ZNF37A: variants seen among roughly 807,000 people sequenced by gnomAD.
ZNF37A encodes zinc finger protein 37A, also known as zinc finger protein 37a (KOX 21).
A neutral mutation model predicts 12.3 loss-of-function variants in ZNF37A; 10 were observed. That is an observed-to-expected ratio of 0.82 (90% CI 0.50 to 1.38). The LOEUF (loss-of-function observed/expected upper bound fraction) is 1.38, where lower values mean the gene tolerates loss of function less well. Ranked by LOEUF, ZNF37A falls within the 40% of genes most tolerant of loss-of-function variation. ZNF37A has a pLI of 0.00. For synonymous variants in ZNF37A, 207 were observed against 223.0 expected, an observed-to-expected ratio of 0.93 and a Z score of 0.64; for missense variants, 580 against 651.2, an observed-to-expected ratio of 0.89 and a Z score of 1.19.
At chr10:38,149,178 C>G (rs758937979) in exon 8 of ZNF37A, 1 of 152,128 alleles carries the variant, frequency 6.6e-6, no homozygotes, top group African/African-American at 2.4e-5. Context: ...ATAGCTTAAC[C>G]TATTATCCAA....
intron 5 of ZNF37A, among the ~76,000 whole-genome samples, chr10:38,097,950 G>T (rs1290400410): frequency 1.3e-5 from 2 of 152,164 alleles, no homozygotes; most frequent in East Asian, 3.8e-4. Context: ...AAGCAGTGTT[G>T]TAACTTAATA....
chr10:38,100,080 C>T (rs1300783308), intron 5 of ZNF37A, among the ~76,000 whole-genome samples: 3 of 152,132 alleles, frequency 2.0e-5, no homozygotes, highest in Admixed American at 6.6e-5. Context: ...CGGTAGGTTC[C>T]GTGATGCCCC....
intron 5 of ZNF37A, among the ~76,000 whole-genome samples, chr10:38,100,371 A>G (rs1238777699): frequency 2.6e-5 from 4 of 152,118 alleles, no homozygotes; most frequent in Non-Finnish European, 4.4e-5. Flanking sequence ...CCTCTTCCTA[A>G]TAAGCCTGGG....
At chr10:38,128,157 G>A (rs931028639), downstream of ZNF37A, among the ~76,000 whole-genome samples, 3 of 152,164 alleles carry the variant, frequency 2.0e-5, no homozygotes, top group East Asian at 1.9e-4. Context: ...AGTGTGGGAT[G>A]TAATTGTGTT....
intron 5 of ZNF37A, among the ~76,000 whole-genome samples, chr10:38,112,749 T>C (rs2135984158): frequency 4.3e-5 from 2 of 46,724 alleles, no homozygotes; most frequent in African/African-American, 1.7e-4. Flanking sequence ...TCTTTTCTTT[T>C]CTTTTCTTTT....
chr10:38,112,773 T>TCCTGG (rs1564932263), intron 5 of ZNF37A, among the ~76,000 whole-genome samples: 1 of 65,634 alleles, frequency 1.5e-5, no homozygotes, highest in Non-Finnish European at 3.3e-5. Context: ...TTCTTTTCTT[T>TCCTGG]TCTTTTCTTT....
intron 5 of ZNF37A, among the ~76,000 whole-genome samples, chr10:38,104,424 T>C (rs922803033): frequency 6.6e-6 from 1 of 151,976 alleles, no homozygotes; most frequent in African/African-American, 2.4e-5. Flanking sequence ...TTTAATTAGA[T>C]TGGAGAATTC....
rs1326713189 is a variant in ZNF37A at position 38,117,766 on chromosome 10, T to C, written c.615T>C (p.Cys205=). 6.2e-7 allele frequency: 1 copy of C among 1,614,036 alleles called. No homozygotes were observed. Among genetic ancestry groups the C allele is most frequent in the Admixed American group, 1.7e-5 (1 of 59,960 alleles). The change falls in exon 8 of 8, where the codon TGT becomes TGC. Residue 205 remains cysteine, a synonymous_variant. Transcript: ENST00000685332. The part of the protein sequence containing the change: ...HPRENHYGNE[C]GENIFEESIL... Reference sequence around the variant, plus strand: ...GAGAAAACCACTATGGTAATGAATGTGGAGAAAATATCTTTGAGGAATCCA... The same window carrying C: ...GAGAAAACCACTATGGTAATGAATGCGGAGAAAATATCTTTGAGGAATCCA...
chr10:38,098,976 T>C (rs1271186002), intron 5 of ZNF37A, among the ~76,000 whole-genome samples: 4 of 152,220 alleles, frequency 2.6e-5, no homozygotes, highest in African/African-American at 9.6e-5. Flanking sequence ...GATACTTCAG[T>C]ATTTTTTGCA....
chr10:38,105,341 C>T (rs2067974387), intron 5 of ZNF37A, among the ~76,000 whole-genome samples: 1 of 152,126 alleles, frequency 6.6e-6, no homozygotes, highest in African/African-American at 2.4e-5. Flanking sequence ...CTACCTGTCT[C>T]CTCAGCTCTG....
chr10:38,107,006 A>T (rs1365751394), intron 5 of ZNF37A, among the ~76,000 whole-genome samples: 4 of 152,138 alleles, frequency 2.6e-5, no homozygotes, highest in African/African-American at 7.2e-5. Flanking sequence ...TACAGATAAC[A>T]CCACAAAGAT....
chr10:38,125,092 G>C (rs1240090359), downstream of ZNF37A: 1 of 152,058 alleles, frequency 6.6e-6, no homozygotes, highest in Non-Finnish European at 1.5e-5. Context: ...AATTTTTGTA[G>C]GTTTGAGTTA....
In ZNF37A at chr10:38,118,400, G is replaced by C. The variant is rs375581619; in HGVS notation, c.1249G>C (p.Gly417Arg). 3.6e-5 allele frequency: 58 copies of C among 1,613,840 alleles called. No individual in the cohort carries two copies. The highest frequency in any genetic ancestry group is 5.0e-5 in the Admixed American group (3 of 59,920). Residue 417 changes from glycine to arginine, a missense_variant, in exon 8 of 8, where the codon GGG becomes CGG. Physicochemically the swap from Gly to Arg is moderately radical, Grantham distance 125. Transcript: ENST00000685332. ...GEKPYECNEC[G>R]KSFSEKSTLT... ...AAAACCTTATGAATGTAATGAATGT[G>C]GGAAGTCATTCTCTGAGAAGTCAAC...
At chr10:38,144,972 G>A (rs2070232766) in intron 7 of ZNF37A, among the ~76,000 whole-genome samples, 1 of 152,068 alleles carries the variant, frequency 6.6e-6, no homozygotes, top group African/African-American at 2.4e-5. Flanking sequence ...GTAAAATGAT[G>A]GATTTATATA....
chr10:38,118,146 G>A lies in ZNF37A; in HGVS notation c.995G>A (p.Cys332Tyr). 4 of 1,614,008 alleles carry A rather than the reference G, an allele frequency of 2.5e-6. No homozygotes were observed. The South Asian group carries it at 4.4e-5, about 18-fold the overall frequency. ...GAGAGACCTTATGGATGTCATGAATGTGGGAAATCCTTCAGTGAAAAGTCA... is the reference window on the plus strand; with the variant it reads ...GAGAGACCTTATGGATGTCATGAATATGGGAAATCCTTCAGTGAAAAGTCA... ...TGERPYGCHE[C>Y]GKSFSEKSTL... is the part of the protein sequence containing the mutation. The change falls in exon 8 of 8, where the codon TGT (cysteine) becomes TAT (tyrosine). Residue 332 changes from cysteine to tyrosine, a missense_variant. Cys to Tyr is a radical substitution (Grantham distance 194, BLOSUM62 -2). Coordinates refer to ENST00000685332, the MANE Select transcript of ZNF37A (RefSeq NM_001324250.3).
At chr10:38,129,319 A>AAAAAAAACAAC, downstream of ZNF37A, among the ~76,000 whole-genome samples, 1 of 116,228 alleles carries the variant, frequency 8.6e-6, no homozygotes, top group African/African-American at 3.6e-5. Flanking sequence ...AAAAAAAAAA[A>AAAAAAAACAAC]AAACTATTAT....
intron 5 of ZNF37A, among the ~76,000 whole-genome samples, chr10:38,101,179 T>G (rs2067537500): frequency 1.3e-5 from 2 of 152,316 alleles, no homozygotes; most frequent in Middle Eastern, 3.4e-3. Context: ...TTTTTAAGTT[T>G]GATATAGTCC....
At chr10:38,108,889 A>C (rs929071571) in intron 5 of ZNF37A, among the ~76,000 whole-genome samples, 4 of 152,244 alleles carry the variant, frequency 2.6e-5, no homozygotes, top group Non-Finnish European at 5.9e-5. Flanking sequence ...TTCACAGCCG[A>C]ATACTACCAG....
chr10:38,125,217 G>A (rs757524219), downstream of ZNF37A: 4 of 152,132 alleles, frequency 2.6e-5, no homozygotes, highest in Non-Finnish European at 4.4e-5. Flanking sequence ...ATTAGATTTT[G>A]TTAAATTCAA....
Sources: gnomAD v4.1 joint callset for allele counts (sites outside exome capture counted in the v4.1 genomes callset) on GRCh38, gnomAD v4.1.1 for gene constraint, MANE v1.5 for transcripts, NCBI Gene and HGNC (gene_info 2026-07-23, HGNC 2026-07-21) for gene names.